The following AUTS2 variants were observed in gnomAD, a reference collection of about 807,000 sequenced individuals.
AUTS2 encodes activator of transcription and developmental regulator AUTS2.
AUTS2 carries 17 observed loss-of-function variants against 112.4 expected under a neutral mutation model. That is an observed-to-expected ratio of 0.15 (90% CI 0.10 to 0.23). AUTS2 has a LOEUF of 0.23. Ranked by LOEUF, AUTS2 falls within the 10% of genes least tolerant of loss-of-function variation. AUTS2 has a pLI of 1.00. For missense variants in AUTS2, 1,510 were observed against 1,701.6 expected, an observed-to-expected ratio of 0.89 and a Z score of 1.98; for synonymous variants, 751 against 702.7, an observed-to-expected ratio of 1.07 and a Z score of -1.09.
chr7:69,961,232 T>G (rs1797418019), intron 2 of AUTS2, among the ~76,000 whole-genome samples: 1 of 152,110 alleles, frequency 6.6e-6, no homozygotes, highest in Non-Finnish European at 1.5e-5. Flanking sequence ...GATCTGTTGG[T>G]GTAGAGTTTT....
At chr7:70,171,651 A>G (rs908744393) in intron 4 of AUTS2, among the ~76,000 whole-genome samples, 2 of 152,232 alleles carry the variant, frequency 1.3e-5, no homozygotes, top group African/African-American at 4.8e-5. Context: ...TTGGAGGAGA[A>G]TGAAATTGCC....
chr7:69,804,501 C>T (rs1182931819), intron 1 of AUTS2, among the ~76,000 whole-genome samples: 1 of 152,184 alleles, frequency 6.6e-6, no homozygotes, highest in Non-Finnish European at 1.5e-5. Context: ...ACCTTCGTCT[C>T]TACTTTCTAA....
At chr7:70,126,863 G>A (rs772571707) in intron 3 of AUTS2, among the ~76,000 whole-genome samples, 10 of 152,132 alleles carry the variant, frequency 6.6e-5, no homozygotes, top group Non-Finnish European at 1.0e-4. Context: ...CCAGGCTGGA[G>A]TGGAATGGAG....
At chr7:69,890,027 T>TTAAGG (rs1794450831) in intron 1 of AUTS2, among the ~76,000 whole-genome samples, 1 of 152,212 alleles carries the variant, frequency 6.6e-6, no homozygotes, top group African/African-American at 2.4e-5. Context: ...AGTTAATTTT[T>TTAAGG]TTTTTAAGGT....
At chr7:69,907,603 CAAAG>C (rs1332736000) in intron 2 of AUTS2, among the ~76,000 whole-genome samples, 7 of 152,132 alleles carry the variant, frequency 4.6e-5, no homozygotes, top group Non-Finnish European at 1.0e-4. Flanking sequence ...AATTACAAGA[CAAAG>C]AGCCTGTGCA....
intron 6 of AUTS2, among the ~76,000 whole-genome samples, chr7:70,702,432 C>T (rs1320389000): frequency 1.3e-5 from 2 of 152,192 alleles, no homozygotes; most frequent in African/African-American, 4.8e-5. Context: ...CATAGATAGA[C>T]GGTGAGAGGG....
chr7:69,979,445 G>C (rs6978818), intron 2 of AUTS2, among the ~76,000 whole-genome samples: 12,353 of 152,222 alleles, frequency 0.081, 641 homozygotes, highest in African/African-American at 0.14. Context: ...CAACTGAAAA[G>C]TTCCAAGGGC....
At chr7:70,173,174 C>T (rs1381613056) in intron 4 of AUTS2, among the ~76,000 whole-genome samples, 2 of 151,960 alleles carry the variant, frequency 1.3e-5, no homozygotes, top group African/African-American at 4.8e-5. Context: ...GTCAGGAGAT[C>T]GAGACCATCC....
chr7:69,989,208 C>T (rs1798638815), intron 2 of AUTS2, among the ~76,000 whole-genome samples: 1 of 152,130 alleles, frequency 6.6e-6, no homozygotes, highest in Admixed American at 6.5e-5. Context: ...TATGGATGCT[C>T]ATGTACAGTT....
intron 4 of AUTS2, among the ~76,000 whole-genome samples, chr7:70,429,058 G>A (rs1209829033): frequency 6.6e-6 from 1 of 152,222 alleles, no homozygotes; most frequent in African/African-American, 2.4e-5. Flanking sequence ...CTCTGCTAAC[G>A]ATTTTAACCT....
At chr7:69,622,235 T>G (rs1793706295) in intron 1 of AUTS2, among the ~76,000 whole-genome samples, 1 of 152,224 alleles carries the variant, frequency 6.6e-6, no homozygotes, top group African/African-American at 2.4e-5. Context: ...GATTGTGTTC[T>G]CAGATAAAAG....
At chr7:70,721,042 G>C (rs1372189946) in intron 6 of AUTS2, among the ~76,000 whole-genome samples, 10 of 151,782 alleles carry the variant, frequency 6.6e-5, no homozygotes, top group African/African-American at 2.2e-4. Flanking sequence ...GAAAACATTT[G>C]CTTTTCTTCA....
chr7:69,764,295 C>T (rs1788322146), intron 1 of AUTS2, among the ~76,000 whole-genome samples: 1 of 151,780 alleles, frequency 6.6e-6, no homozygotes, highest in South Asian at 2.1e-4. Context: ...CTCTTGCTAG[C>T]TGGGATGAAC....
intron 1 of AUTS2, among the ~76,000 whole-genome samples, chr7:69,618,111 A>G (rs1177785046): frequency 2.6e-5 from 4 of 152,212 alleles, no homozygotes; most frequent in African/African-American, 9.6e-5. Flanking sequence ...CTGTATGGTC[A>G]TGCAGATAGA....
At chr7:70,525,097 G>A (rs533249629) in intron 5 of AUTS2, among the ~76,000 whole-genome samples, 1 of 152,122 alleles carries the variant, frequency 6.6e-6, no homozygotes, top group Non-Finnish European at 1.5e-5. Context: ...ATTCTTCAAG[G>A]AATTCCTTCT....
intron 2 of AUTS2, among the ~76,000 whole-genome samples, chr7:70,030,311 T>C (rs1337153101): frequency 6.6e-6 from 1 of 152,236 alleles, no homozygotes; most frequent in African/African-American, 2.4e-5. Flanking sequence ...CTTCTGTTGT[T>C]CTTCTGAACA....
chr7:70,364,942 G>A lies in AUTS2; in HGVS notation c.661-70810G>A, dbSNP rs538986882. On this transcript the variant is annotated intron_variant, in intron 4 of 18. Coordinates refer to ENST00000342771, the MANE Select transcript of AUTS2 (RefSeq NM_015570.4). ...TTAGCTGGCTGGCACATATCTCTCA[G>A]CAGTAATACTGCTGTAGGTAAAGTT... Among the ~76,000 whole-genome samples, 4 of 152,300 alleles carry A rather than the reference G, an allele frequency of 2.6e-5. No individual in the cohort carries two copies. The South Asian group carries it at 6.2e-4, about 24-fold the overall frequency.
chr7:70,733,528 C>T (rs965785437), intron 6 of AUTS2, among the ~76,000 whole-genome samples: 1 of 143,580 alleles, frequency 7.0e-6, no homozygotes. Context: ...CCCACCTGTA[C>T]TCTCACCACC....
intron 4 of AUTS2, among the ~76,000 whole-genome samples, chr7:70,416,189 A>T (rs557781873): frequency 1.3e-5 from 2 of 152,360 alleles, no homozygotes; most frequent in East Asian, 3.9e-4. Flanking sequence ...ACAAAGGAAG[A>T]TATGTGCAAT....
Sources: gnomAD v4.1 joint callset for allele counts (sites outside exome capture counted in the v4.1 genomes callset) on GRCh38, gnomAD v4.1.1 for gene constraint, MANE v1.5 for transcripts, NCBI Gene and HGNC (gene_info 2026-07-23, HGNC 2026-07-21) for gene names.